WLS: variants seen among roughly 807,000 people sequenced by gnomAD.
The protein encoded by WLS is Wnt ligand secretion mediator, also known as protein wntless homolog.
A neutral mutation model predicts 62.8 loss-of-function variants in WLS; 23 were observed. The ratio of observed to expected loss-of-function variants is 0.37; its 90% CI spans 0.26 to 0.52. The LOEUF (loss-of-function observed/expected upper bound fraction) is 0.52. WLS is among the 20% of genes least tolerant of loss of function. The pLI is 0.92. For missense variants in WLS, 615 were observed against 697.3 expected (o/e 0.88, Z 1.33); for synonymous variants, 246 against 244.1 (o/e 1.01, Z -0.07).
At chr1:68,226,247 A>G (rs1269808468) in intron 1 of WLS, among the ~76,000 whole-genome samples, 3 of 152,202 alleles carry the variant, frequency 2.0e-5, no homozygotes. Flanking sequence ...AGGATCACCT[A>G]AAGTTGATAA....
intron 11 of WLS, chr1:68,127,025 T>TTA: frequency 3.1e-6 from 1 of 327,600 alleles, no homozygotes. Context: ...ACCCTGACTC[T>TTA]AAAAAAAAAA....
intron 2 of WLS, chr1:68,161,786 C>T: frequency 2.2e-5 from 36 of 1,601,214 alleles, no homozygotes; most frequent in Non-Finnish European, 3.1e-5. Context: ...CGATTGTCCC[C>T]GTGTTTTGTG....
chr1:68,200,339 T>C (rs1033562681), intron 1 of WLS, among the ~76,000 whole-genome samples: 15 of 152,152 alleles, frequency 9.9e-5, no homozygotes, highest in African/African-American at 3.6e-4. Context: ...TGTAAAAATG[T>C]GAATATTTAT....
At chr1:68,212,759 A>T (rs1421532459) in intron 1 of WLS, among the ~76,000 whole-genome samples, 1 of 152,170 alleles carries the variant, frequency 6.6e-6, no homozygotes, top group Non-Finnish European at 1.5e-5. Flanking sequence ...TAATTATCTT[A>T]TTTAAGCTTT....
chr1:68,124,192 C>T (rs17130496), downstream of WLS, among the ~76,000 whole-genome samples: 3,028 of 152,296 alleles, frequency 0.02, 102 homozygotes, highest in African/African-American at 0.069. Flanking sequence ...TGTCCTGGTT[C>T]CAGTCTCTGT....
chr1:68,098,963 C>T (rs1646042981), intron 11 of WLS: 4 of 633,104 alleles, frequency 6.3e-6, no homozygotes, highest in Non-Finnish European at 7.4e-6. Context: ...ATAGCACCTC[C>T]TCCCTCAATT....
At chr1:68,228,340 T>C (rs1650254065) in intron 1 of WLS, 1 of 361,364 alleles carries the variant, frequency 2.8e-6, no homozygotes, top group Non-Finnish European at 5.4e-6. Flanking sequence ...AACAGTGACC[T>C]GCTTTTTCAA....
intron 1 of WLS, among the ~76,000 whole-genome samples, chr1:68,226,927 A>G (rs1034700128): frequency 6.6e-6 from 1 of 152,242 alleles, no homozygotes; most frequent in Non-Finnish European, 1.5e-5. Flanking sequence ...TCATTGTAAA[A>G]TGTCATGTAG....
chr1:68,211,227 C>T (rs570261319), intron 1 of WLS, among the ~76,000 whole-genome samples: 4 of 151,770 alleles, frequency 2.6e-5, no homozygotes, highest in South Asian at 2.1e-4. Context: ...CTTGGAAAAC[C>T]GACTACATTG....
chr1:68,169,762 C>T (rs1647119002), intron 2 of WLS, among the ~76,000 whole-genome samples: 1 of 152,238 alleles, frequency 6.6e-6, no homozygotes, highest in Non-Finnish European at 1.5e-5. Flanking sequence ...AAAACACTTT[C>T]AATGCCTTTA....
intron 2 of WLS, among the ~76,000 whole-genome samples, chr1:68,188,442 C>A (rs1442772874): frequency 1.3e-5 from 2 of 152,172 alleles, no homozygotes; most frequent in African/African-American, 4.8e-5. Flanking sequence ...AATCTGCCCA[C>A]TGGGAGTTCA....
intron 11 of WLS, among the ~76,000 whole-genome samples, chr1:68,128,889 G>A (rs1420200514): frequency 6.6e-6 from 1 of 152,092 alleles, no homozygotes; most frequent in Non-Finnish European, 1.5e-5. Context: ...TAAATAGTGT[G>A]TGGGATTCAA....
chr1:68,186,984 G>T (rs1045191033), intron 2 of WLS, among the ~76,000 whole-genome samples: 3 of 151,680 alleles, frequency 2.0e-5, no homozygotes, highest in African/African-American at 7.3e-5. Context: ...GGCCGAGGCG[G>T]GCGGATCACA....
chr1:68,131,694 C>G (rs930910061), intron 11 of WLS, among the ~76,000 whole-genome samples: 1 of 152,130 alleles, frequency 6.6e-6, no homozygotes, highest in African/African-American at 2.4e-5. Flanking sequence ...CTCCCCCAAA[C>G]TCTCAAATTC....
intron 10 of WLS, 30 bp from the exon 11 acceptor site, chr1:68,137,963 G>A (rs746798181): frequency 1.2e-6 from 2 of 1,611,578 alleles, no homozygotes; most frequent in Admixed American, 3.4e-5. Flanking sequence ...ATATTCAATT[G>A]AAACAGAGAA....
intron 10 of WLS, among the ~76,000 whole-genome samples, chr1:68,141,013 C>T (rs911959451): frequency 2.0e-5 from 3 of 148,486 alleles, no homozygotes. Context: ...CCCCAAATCT[C>T]ACCCTCTGCA....
rs77448276 is a variant in WLS at position 68,145,790 on chromosome 1, C to T, written c.1278+79G>A. The T allele has an allele frequency of 8.2e-3, 12,744 of 1,561,450 alleles. 84 individuals carry two copies. Among genetic ancestry groups the T allele is most frequent in the Middle Eastern group, 0.022 (126 of 5,718 alleles). Reference sequence around the variant, plus strand: ...ATTTCAAAGTAAAGGCTTTCTATCTCCAGGGTGTGTGTGTTTACACATCAA... The same window carrying T: ...ATTTCAAAGTAAAGGCTTTCTATCTTCAGGGTGTGTGTGTTTACACATCAA... On this transcript the variant is annotated intron_variant, in intron 9 of 11. Coordinates refer to ENST00000262348, the MANE Select transcript of WLS (RefSeq NM_024911.7).
At chr1:68,223,448 T>C (rs1377552087) in intron 1 of WLS, among the ~76,000 whole-genome samples, 3 of 152,184 alleles carry the variant, frequency 2.0e-5, no homozygotes, top group East Asian at 1.9e-4. Context: ...TCTGTAGGTG[T>C]TGGGCAAAGT....
intron 1 of WLS, among the ~76,000 whole-genome samples, chr1:68,230,544 A>T (rs1190559383): frequency 6.6e-6 from 1 of 151,668 alleles, no homozygotes; most frequent in Non-Finnish European, 1.5e-5. Context: ...GTAGCCAAAC[A>T]GAAGCTCCTA....
Sources: gnomAD v4.1 joint callset for allele counts (sites outside exome capture counted in the v4.1 genomes callset) on GRCh38, gnomAD v4.1.1 for gene constraint, MANE v1.5 for transcripts, NCBI Gene and HGNC (gene_info 2026-07-23, HGNC 2026-07-21) for gene names.